Variants in COL14A1 observed in about 807,000 individuals in gnomAD.
COL14A1 encodes collagen alpha-1(XIV) chain.
COL14A1 carries 136 observed loss-of-function variants against 230.3 expected under a neutral mutation model. The observed-to-expected ratio is 0.59, with a 90% CI of 0.51 to 0.68. The LOEUF is 0.68. Among genes scored for constraint, COL14A1 ranks in the 30% least tolerant of loss-of-function variants. The pLI is 0.00. For synonymous variants in COL14A1, 792 were observed against 784.1 expected, an observed-to-expected ratio of 1.01 and a Z score of -0.17; for missense variants, 1,976 against 2,215.8, an observed-to-expected ratio of 0.89 and a Z score of 2.17.
chr8:120,286,833 G>A (rs894616468), intron 33 of COL14A1, among the ~76,000 whole-genome samples: 1 of 152,192 alleles, frequency 6.6e-6, no homozygotes, highest in African/African-American at 2.4e-5. Flanking sequence ...TAATAACTCA[G>A]CACTTGTGGT....
chr8:120,322,851 A>T (rs1290024417), intron 40 of COL14A1, among the ~76,000 whole-genome samples: 1 of 152,202 alleles, frequency 6.6e-6, no homozygotes, highest in African/African-American at 2.4e-5. Context: ...TAGTGCTGCA[A>T]TGAACCCACC....
At chr8:120,134,476 A>C (rs1232232510) in intron 1 of COL14A1, among the ~76,000 whole-genome samples, 2 of 152,168 alleles carry the variant, frequency 1.3e-5, no homozygotes, top group African/African-American at 4.8e-5. Flanking sequence ...TAGATGATCA[A>C]AGATTTCAAT....
At chr8:120,132,185 T>G (rs1307210141) in intron 1 of COL14A1, among the ~76,000 whole-genome samples, 1 of 152,176 alleles carries the variant, frequency 6.6e-6, no homozygotes, top group Non-Finnish European at 1.5e-5. Context: ...TTTTTTATAA[T>G]GTTAGATCTT....
At chr8:120,311,439 A>G (rs1821034051) in intron 37 of COL14A1, among the ~76,000 whole-genome samples, 1 of 152,202 alleles carries the variant, frequency 6.6e-6, no homozygotes, top group South Asian at 2.1e-4. Context: ...TGGTGATCCC[A>G]AGACCTACCC....
At chr8:120,353,904 G>A (rs1822870907) in intron 45 of COL14A1, among the ~76,000 whole-genome samples, 1 of 150,594 alleles carries the variant, frequency 6.6e-6, no homozygotes, top group Non-Finnish European at 1.5e-5. Flanking sequence ...TATACCCAAA[G>A]GACTATAAAT....
intron 24 of COL14A1, among the ~76,000 whole-genome samples, chr8:120,265,576 CACAT>C (rs1055892867): frequency 6.6e-6 from 1 of 151,560 alleles, no homozygotes; most frequent in Non-Finnish European, 1.5e-5. Context: ...TTTTCACACA[CACAT>C]ATATATACAT....
In COL14A1 at chr8:120,216,502, G is replaced by C; in HGVS notation, c.1737+12G>C. On this transcript the variant is annotated intron_variant, in intron 14 of 47. Transcript: ENST00000297848. ...CTGAAATCAATGAGGTAAGTTCCGG[G>C]ACATAATGTATATTTTTTAGGTAGT... 1 of 1,601,120 alleles carries C rather than the reference G, an allele frequency of 6.2e-7. No individual in the cohort carries two copies. Among genetic ancestry groups the C allele is most frequent in the Non-Finnish European group, 8.5e-7 (1 of 1,174,984 alleles).
intron 27 of COL14A1, 81 bp downstream of exon 27, chr8:120,278,315 T>C: frequency 6.6e-7 from 1 of 1,510,448 alleles, no homozygotes; most frequent in Non-Finnish European, 8.9e-7. Context: ...TTTTAAGGCA[T>C]AGTAATTTTT....
chr8:120,215,292 AT>A (rs1817717207), intron 13 of COL14A1, among the ~76,000 whole-genome samples: 1 of 152,084 alleles, frequency 6.6e-6, no homozygotes, highest in Non-Finnish European at 1.5e-5. Context: ...AATCACTTAA[AT>A]CTGGGAGGTG....
chr8:120,198,344 A>T (rs571985487), intron 7 of COL14A1, among the ~76,000 whole-genome samples: 1 of 152,308 alleles, frequency 6.6e-6, no homozygotes, highest in East Asian at 1.9e-4. Context: ...TCATGAAAAT[A>T]TTGTGAAATA....
At chr8:120,267,584 G>T (rs1173534444) in intron 25 of COL14A1, among the ~76,000 whole-genome samples, 1 of 151,866 alleles carries the variant, frequency 6.6e-6, no homozygotes, top group African/African-American at 2.4e-5. Context: ...GACTCATAAG[G>T]AAGAGGCATT....
At chr8:120,188,982 T>C (rs541540015) in intron 5 of COL14A1, among the ~76,000 whole-genome samples, 69 of 152,360 alleles carry the variant, frequency 4.5e-4, no homozygotes, top group African/African-American at 1.5e-3. Flanking sequence ...TCTCTAAGAA[T>C]GGTGAAATGG....
At chr8:120,165,494 G>A (rs899905893) in intron 4 of COL14A1, among the ~76,000 whole-genome samples, 2 of 152,198 alleles carry the variant, frequency 1.3e-5, no homozygotes, top group African/African-American at 4.8e-5. Context: ...AAATGAGGGT[G>A]ATGATATGCC....
At chr8:120,267,650 C>T (rs1341112627) in intron 25 of COL14A1, among the ~76,000 whole-genome samples, 11 of 151,738 alleles carry the variant, frequency 7.2e-5, no homozygotes, top group Non-Finnish European at 1.3e-4. Context: ...GAATAGCACT[C>T]GGTGTCAAGA....
At chr8:120,131,210 T>G (rs1317845248) in intron 1 of COL14A1, among the ~76,000 whole-genome samples, 2 of 152,234 alleles carry the variant, frequency 1.3e-5, no homozygotes, top group African/African-American at 2.4e-5. Context: ...GGTAGAATTA[T>G]TTATATTCCT....
intron 19 of COL14A1, among the ~76,000 whole-genome samples, chr8:120,240,313 A>T (rs1818574425): frequency 6.6e-6 from 1 of 152,124 alleles, no homozygotes; most frequent in Non-Finnish European, 1.5e-5. Flanking sequence ...GTGCCCTCTC[A>T]GGGACTCACC....
chr8:120,261,649 T>C (rs914976156), intron 23 of COL14A1, among the ~76,000 whole-genome samples: 1 of 152,154 alleles, frequency 6.6e-6, no homozygotes, highest in African/African-American at 2.4e-5. Context: ...TGTGCCTCTG[T>C]CATGGTGGAG....
intron 10 of COL14A1, among the ~76,000 whole-genome samples, chr8:120,207,597 C>G (rs1482197392): frequency 6.6e-6 from 1 of 152,170 alleles, no homozygotes; most frequent in African/African-American, 2.4e-5. Context: ...ATTTTTATGG[C>G]TTGGCCAACA....
At chr8:120,125,928 C>T (rs939391135) in intron 1 of COL14A1, among the ~76,000 whole-genome samples, 8 of 152,044 alleles carry the variant, frequency 5.3e-5, no homozygotes, top group Admixed American at 6.6e-5. Flanking sequence ...AGGTAGAGCT[C>T]GATGATGGAG....
Sources: allele counts gnomAD v4.1 joint callset (sites outside exome capture counted in the v4.1 genomes callset), GRCh38; gene constraint gnomAD v4.1.1; transcripts MANE v1.5; gene names NCBI Gene and HGNC (gene_info 2026-07-23, HGNC 2026-07-21).